Variants in FGF14 observed in about 807,000 individuals in gnomAD.
The protein encoded by FGF14 is fibroblast growth factor 14.
FGF14 carries 5 observed loss-of-function variants against 25.5 expected under a neutral mutation model. The observed-to-expected ratio is 0.20, with a 90% CI of 0.10 to 0.41. The LOEUF is 0.41. Ranked by LOEUF, FGF14 falls within the 10% of genes least tolerant of loss-of-function variation. The pLI, the probability that FGF14 is intolerant of heterozygous loss-of-function variation, is 1.00. For missense variants in FGF14, 222 were observed against 320.1 expected, an observed-to-expected ratio of 0.69 and a Z score of 2.34; for synonymous variants, 138 against 118.3, an observed-to-expected ratio of 1.17 and a Z score of -1.08.
chr13:101,836,920 C>A (rs1169503961), intron 3 of FGF14, among the ~76,000 whole-genome samples: 6 of 151,878 alleles, frequency 4.0e-5, no homozygotes. Context: ...GTTTATAGAG[C>A]TCATATTTCA....
At chr13:101,786,976 T>C (rs755959536) in intron 3 of FGF14, among the ~76,000 whole-genome samples, 13 of 152,196 alleles carry the variant, frequency 8.5e-5, no homozygotes, top group Non-Finnish European at 1.8e-4. Context: ...ATCATGTCGC[T>C]ATTTAATCCT....
Position 102,130,507 on chromosome 13 carries a change from C to T in FGF14, c.209-255211G>A, listed in dbSNP as rs1006973616. 1.4e-4 allele frequency among the ~76,000 whole-genome samples: 22 copies of T among 152,262 alleles called. No homozygotes were observed. The South Asian group carries it at 4.1e-3, about 29-fold the overall frequency. ...TGGGTCCACCTGGATAATGCAGGCT[C>T]ATTTCCCTAGTTTCAAGCCAGCAGT... is the stretch of plus-strand genomic sequence containing the variant. On this transcript the variant is annotated intron_variant, in intron 1 of 4. Coordinates refer to the FGF14 transcript ENST00000376131.
At chr13:102,024,520 T>A (rs572091799) in intron 1 of FGF14, among the ~76,000 whole-genome samples, 4 of 152,140 alleles carry the variant, frequency 2.6e-5, no homozygotes, top group South Asian at 4.1e-4. Context: ...AAATCTCTCA[T>A]AAGATACATG....
At chr13:101,779,256 T>G (rs1176079767) in intron 3 of FGF14, among the ~76,000 whole-genome samples, 2 of 152,148 alleles carry the variant, frequency 1.3e-5, no homozygotes, top group African/African-American at 4.8e-5. Context: ...TATGTGATAT[T>G]AAAGAATCAT....
chr13:102,306,785 G>C (rs192321846), intron 1 of FGF14, among the ~76,000 whole-genome samples: 19 of 152,222 alleles, frequency 1.2e-4, no homozygotes, highest in Admixed American at 1.1e-3. Context: ...TACTTAATTA[G>C]AACTATCCAC....
chr13:101,809,389 C>T (rs759368250), intron 3 of FGF14, among the ~76,000 whole-genome samples: 17 of 152,250 alleles, frequency 1.1e-4, no homozygotes, highest in Non-Finnish European at 2.5e-4. Flanking sequence ...TGCTATCACA[C>T]TGCCAGGCTC....
At chr13:102,347,151 C>T (rs565699020) in intron 1 of FGF14, among the ~76,000 whole-genome samples, 7 of 152,156 alleles carry the variant, frequency 4.6e-5, no homozygotes, top group South Asian at 2.1e-4. Flanking sequence ...AAGCTGGGTT[C>T]GTTAGTGTTA....
In FGF14 at chr13:101,946,363, C is replaced by CAAAAAAAAA. The variant is rs59866034; in HGVS notation, c.209-71076_209-71068dup. Among the ~76,000 whole-genome samples the CAAAAAAAAA allele has an allele frequency of 2.2e-5, 2 of 91,950 alleles. 1 individual carries two copies. Among genetic ancestry groups the CAAAAAAAAA allele is most frequent in the Non-Finnish European group, 4.7e-5 (2 of 42,828 alleles). The allele number at this position is 91,950 out of a possible 152,430, so 60.3% of individuals were successfully genotyped here. ...TTAATAAAAGCAGCTGCTTCTCCAT[C>CAAAAAAAAA]AAAAAAAAAAAAAAAAAAAAAGAGG... On this transcript the variant is annotated intron_variant, in intron 1 of 4. Transcript: ENST00000376131.
At chr13:101,993,403 TG>T (rs2039010065) in intron 1 of FGF14, among the ~76,000 whole-genome samples, 3 of 152,002 alleles carry the variant, frequency 2.0e-5, no homozygotes, top group South Asian at 4.1e-4. Flanking sequence ...TGGATTTAAA[TG>T]AAGAAAGAAA....
intron 1 of FGF14, among the ~76,000 whole-genome samples, chr13:102,281,714 C>G (rs1191884099): frequency 2.2e-5 from 3 of 139,064 alleles, no homozygotes; most frequent in Non-Finnish European, 4.6e-5. Context: ...TTTTTAAGTT[C>G]AGAGGTACAA....
intron 3 of FGF14, among the ~76,000 whole-genome samples, chr13:101,860,062 C>T (rs1195528305): frequency 3.9e-5 from 6 of 152,020 alleles, no homozygotes; most frequent in Admixed American, 6.6e-5. Flanking sequence ...ACTCAGCAGG[C>T]GCCTGCCAGC....
At chr13:101,917,381 A>T (rs187421893), upstream of FGF14, among the ~76,000 whole-genome samples, 21 of 152,222 alleles carry the variant, frequency 1.4e-4, no homozygotes, top group East Asian at 3.9e-3. Flanking sequence ...TTTAAAAATA[A>T]TAAGAAAGAA....
At chr13:102,250,548 C>T (rs1296075459) in intron 1 of FGF14, among the ~76,000 whole-genome samples, 1 of 152,150 alleles carries the variant, frequency 6.6e-6, no homozygotes, top group African/African-American at 2.4e-5. Flanking sequence ...TGAGTTCAGA[C>T]ATAAGTGTGA....
chr13:101,825,157 G>C (rs927190929), intron 3 of FGF14, among the ~76,000 whole-genome samples: 7 of 152,202 alleles, frequency 4.6e-5, no homozygotes, highest in Non-Finnish European at 1.0e-4. Context: ...CAGTTCCAGA[G>C]GCCAGGACTT....
intron 3 of FGF14, among the ~76,000 whole-genome samples, chr13:101,794,609 T>C (rs143026796): frequency 0.014 from 2,063 of 152,222 alleles, 46 homozygotes; most frequent in African/African-American, 0.047. Context: ...GGGGATTTAG[T>C]GCTACCTAGC....
At chr13:101,894,900 A>C (rs1258455869) in intron 1 of FGF14, among the ~76,000 whole-genome samples, 1 of 152,172 alleles carries the variant, frequency 6.6e-6, no homozygotes, top group Non-Finnish European at 1.5e-5. Context: ...AGCATGGAAA[A>C]AGAAAAAAAA....
At chr13:101,832,096 CAT>C (rs1006211492) in intron 3 of FGF14, among the ~76,000 whole-genome samples, 22 of 152,042 alleles carry the variant, frequency 1.4e-4, no homozygotes, top group Non-Finnish European at 2.9e-4. Flanking sequence ...AGTTCCATCA[CAT>C]ATGTCTCCTC....
intron 1 of FGF14, among the ~76,000 whole-genome samples, chr13:101,969,257 G>C (rs1230222659): frequency 6.6e-6 from 1 of 152,176 alleles, no homozygotes; most frequent in Non-Finnish European, 1.5e-5. Flanking sequence ...ACTGGGGATT[G>C]AAGGATAAGA....
At chr13:102,202,571 G>T (rs2049711790) in intron 1 of FGF14, among the ~76,000 whole-genome samples, 1 of 152,124 alleles carries the variant, frequency 6.6e-6, no homozygotes, top group Non-Finnish European at 1.5e-5. Flanking sequence ...CTGCATTGGG[G>T]GAAAAAGTCC....
Sources: allele counts gnomAD v4.1 joint callset (sites outside exome capture counted in the v4.1 genomes callset), GRCh38; gene constraint gnomAD v4.1.1; transcripts MANE v1.5; gene names NCBI Gene and HGNC (gene_info 2026-07-23, HGNC 2026-07-21).